The following PDE3B variants were observed in gnomAD, a reference collection of about 807,000 sequenced individuals.
PDE3B encodes the protein phosphodiesterase 3B.
In PDE3B, 66 loss-of-function variants were observed where a neutral mutation model predicts 116.8. The ratio of observed to expected loss-of-function variants is 0.56; its 90% CI spans 0.46 to 0.69. PDE3B has a LOEUF of 0.69. Ranked by LOEUF, PDE3B falls within the 30% of genes least tolerant of loss-of-function variation. The pLI, the probability that PDE3B is intolerant of heterozygous loss-of-function variation, is 0.00. For missense variants in PDE3B, 1,384 were observed against 1,368.1 expected (o/e 1.01, Z -0.18); for synonymous variants, 595 against 533.6 (o/e 1.12, Z -1.59).
At chr11:14,777,086 A>G (rs1021257177) in intron 2 of PDE3B, among the ~76,000 whole-genome samples, 1 of 152,236 alleles carries the variant, frequency 6.6e-6, no homozygotes, top group Non-Finnish European at 1.5e-5. Flanking sequence ...AATGGAAAGT[A>G]TAGAGCTGAA....
chr11:14,772,041 A>G, intron 2 of PDE3B, 54 bp downstream of exon 2: 1 of 772,638 alleles, frequency 1.3e-6, no homozygotes. Context: ...GTGATCACTA[A>G]ATAATATCTG....
the PDE3B span, chr11:14,880,885 A>G: frequency 1.0e-6 from 1 of 955,152 alleles, no homozygotes; most frequent in Non-Finnish European, 1.5e-6. Flanking sequence ...GTCCTCCTAT[A>G]TAACTACATG....
At chr11:14,716,162 C>CG (rs1259139050) in intron 1 of PDE3B, among the ~76,000 whole-genome samples, 6 of 151,982 alleles carry the variant, frequency 3.9e-5, no homozygotes, top group Non-Finnish European at 8.8e-5. Flanking sequence ...GGGTGACGGA[C>CG]GCACCTGGAA....
chr11:14,686,505 G>C (rs1343485832), intron 1 of PDE3B, among the ~76,000 whole-genome samples: 2 of 152,064 alleles, frequency 1.3e-5, no homozygotes, highest in African/African-American at 4.8e-5. Flanking sequence ...TTTTTCCTTT[G>C]GGGATAAGTT....
chr11:14,733,331 T>G (rs569712841), intron 1 of PDE3B, among the ~76,000 whole-genome samples: 44 of 152,326 alleles, frequency 2.9e-4, no homozygotes, highest in African/African-American at 1.0e-3. Context: ...TATTTTAATT[T>G]TTTATTTTTT....
chr11:14,651,862 T>C (rs939508091), intron 1 of PDE3B, among the ~76,000 whole-genome samples: 3 of 152,228 alleles, frequency 2.0e-5, no homozygotes, highest in Non-Finnish European at 4.4e-5. Context: ...TGTTAGTTTA[T>C]GCATCTTGTG....
At position 14,723,510 on chromosome 11, in the gene PDE3B, T is replaced by G. The variant is rs149756758; in HGVS notation, c.979-48427T>G. Among the ~76,000 whole-genome samples the G allele has an allele frequency of 2.7e-3, 407 of 152,156 alleles. 3 individuals carry two copies. Among genetic ancestry groups the G allele is most frequent in the African/African-American group, 9.3e-3 (385 of 41,502 alleles). On this transcript the variant is annotated intron_variant, in intron 1 of 15. Coordinates refer to ENST00000282096, the MANE Select transcript of PDE3B (RefSeq NM_000922.4). ...GGCTCATGCCTGTAATTCTAGCAATTTTGGAGGCTAAGGTGGGAGGATCGC... is the reference window on the plus strand; with the variant it reads ...GGCTCATGCCTGTAATTCTAGCAATGTTGGAGGCTAAGGTGGGAGGATCGC...
intron 1 of PDE3B, among the ~76,000 whole-genome samples, chr11:14,671,514 T>A (rs1854367633): frequency 6.6e-6 from 1 of 152,136 alleles, no homozygotes; most frequent in Non-Finnish European, 1.5e-5. Flanking sequence ...TACATTTCAC[T>A]CCAATTGCAT....
intron 1 of PDE3B, chr11:14,698,897 A>G (rs1855286365): frequency 6.6e-6 from 1 of 152,018 alleles, no homozygotes. Flanking sequence ...GCTATACAGT[A>G]TACATGGAGG....
chr11:14,824,135 C>T (rs1270820339), intron 7 of PDE3B, among the ~76,000 whole-genome samples: 7 of 152,272 alleles, frequency 4.6e-5, no homozygotes, highest in East Asian at 3.9e-4. Flanking sequence ...AGCACAAACA[C>T]GCTGTCCCTG....
At chr11:14,663,575 A>T (rs1854012623) in intron 1 of PDE3B, among the ~76,000 whole-genome samples, 1 of 152,230 alleles carries the variant, frequency 6.6e-6, no homozygotes, top group Non-Finnish European at 1.5e-5. Context: ...AAGGAGGAAG[A>T]TCTACCAAGC....
intron 1 of PDE3B, among the ~76,000 whole-genome samples, chr11:14,736,482 T>G (rs754808272): frequency 5.3e-5 from 8 of 152,228 alleles, no homozygotes; most frequent in Non-Finnish European, 7.3e-5. Context: ...TACTTTTTAC[T>G]GACAAGAGTA....
intron 1 of PDE3B, among the ~76,000 whole-genome samples, chr11:14,661,357 C>T (rs1285916087): frequency 6.6e-6 from 1 of 152,234 alleles, no homozygotes; most frequent in East Asian, 1.9e-4. Context: ...CAGCTCCGGT[C>T]TACAGCTTCC....
chr11:14,794,266 C>A (rs1295789834), intron 4 of PDE3B, among the ~76,000 whole-genome samples: 1 of 152,020 alleles, frequency 6.6e-6, no homozygotes, highest in Non-Finnish European at 1.5e-5. Context: ...GCAAGCAATT[C>A]TGTAGTAGAC....
intron 1 of PDE3B, among the ~76,000 whole-genome samples, chr11:14,707,723 ACTT>A (rs946221754): frequency 6.6e-6 from 1 of 151,960 alleles, no homozygotes; most frequent in Non-Finnish European, 1.5e-5. Context: ...AATTCTTTAG[ACTT>A]CTTCTTTGAT....
intron 12 of PDE3B, among the ~76,000 whole-genome samples, chr11:14,850,567 G>A (rs1336593173): frequency 6.6e-6 from 1 of 152,054 alleles, no homozygotes; most frequent in African/African-American, 2.4e-5. Flanking sequence ...TAATGGTTGA[G>A]AACTATTAAT....
At chr11:14,886,049 T>C in the PDE3B span, 1 of 844,578 alleles carries the variant, frequency 1.2e-6, no homozygotes, top group South Asian at 1.5e-5. Flanking sequence ...CAGTTATTAC[T>C]CAACTGACAA....
At chr11:14,821,775 T>C (rs1859519411) in intron 7 of PDE3B, among the ~76,000 whole-genome samples, 1 of 152,238 alleles carries the variant, frequency 6.6e-6, no homozygotes, top group Non-Finnish European at 1.5e-5. Context: ...TCACCTATTA[T>C]GTATAACATC....
chr11:14,830,899 A>G, intron 8 of PDE3B, 53 bp downstream of exon 8: 1 of 1,185,706 alleles, frequency 8.4e-7, no homozygotes, highest in Non-Finnish European at 1.1e-6. Flanking sequence ...TAATACTGTT[A>G]GTACTGGTTT....
Sources: gnomAD v4.1 joint callset for allele counts (sites outside exome capture counted in the v4.1 genomes callset) on GRCh38, gnomAD v4.1.1 for gene constraint, MANE v1.5 for transcripts, NCBI Gene and HGNC (gene_info 2026-07-23, HGNC 2026-07-21) for gene names.